Variants in CACNA2D3 observed in about 807,000 individuals in gnomAD.
CACNA2D3 encodes calcium voltage-gated channel auxiliary subunit alpha2delta 3, also known as voltage-dependent calcium channel subunit alpha-2/delta-3.
In CACNA2D3, 60 loss-of-function variants were observed where a neutral mutation model predicts 160.6. The observed-to-expected ratio is 0.37, with a 90% CI of 0.30 to 0.46. The LOEUF (loss-of-function observed/expected upper bound fraction) is 0.46, where lower values mean the gene tolerates loss of function less well. CACNA2D3 is among the 20% of genes least tolerant of loss of function. The pLI, the probability that CACNA2D3 is intolerant of heterozygous loss-of-function variation, is 1.00. For missense variants in CACNA2D3, 1,205 were observed against 1,365.0 expected, an observed-to-expected ratio of 0.88 and a Z score of 1.85; for synonymous variants, 558 against 492.9, an observed-to-expected ratio of 1.13 and a Z score of -1.75.
At position 54,389,498 on chromosome 3, in the gene CACNA2D3, AG is replaced by A. The variant is rs543434271; in HGVS notation, c.381+2727del. 3.3e-5 allele frequency among the ~76,000 whole-genome samples: 5 copies of A among 152,330 alleles called. No homozygotes were observed. In the East Asian group the frequency reaches 9.6e-4, roughly 29 times the overall value. On this transcript the variant is annotated intron_variant, in intron 4 of 37. Coordinates refer to ENST00000474759, the MANE Select transcript of CACNA2D3 (RefSeq NM_018398.3). ...CCCACAAGTTACTCATCAATTACAA[AG>A]GGAAAAATAGCAATTTTATTGTGGA...
chr3:54,478,618 C>G lies in CACNA2D3; in HGVS notation c.382-24874C>G, dbSNP rs529119374. Among the ~76,000 whole-genome samples, 133 of 38,846 alleles carry G rather than the reference C, an allele frequency of 3.4e-3. 1 individual carries two copies. Among genetic ancestry groups the G allele is most frequent in the Admixed American group, 8.0e-3 (23 of 2,872 alleles). 25.5% of individuals were successfully genotyped at this position (38,846 alleles called of 152,430 possible). ...CTGCACTCCAGCCTGGGCAACAGAG[C>G]GAGACTCTGTCTCAAAAAAATATAT... On this transcript the variant is annotated intron_variant, in intron 4 of 37. Transcript: ENST00000474759.
intron 26 of CACNA2D3, among the ~76,000 whole-genome samples, chr3:54,899,587 C>T (rs1409588760): frequency 6.6e-6 from 1 of 152,168 alleles, no homozygotes; most frequent in Non-Finnish European, 1.5e-5. Flanking sequence ...TCGCCAATTC[C>T]TTCAGCTGGG....
Position 54,896,883 on chromosome 3 carries a change from G to C in CACNA2D3, c.2368+13G>C. On this transcript the variant is annotated intron_variant, in intron 26 of 37. Coordinates refer to ENST00000474759, the MANE Select transcript of CACNA2D3 (RefSeq NM_018398.3). ...CCATTCAGCACTGGTGGGTGCCCTT[G>C]TTGGAGGCGGGCTCTGTCTGTCTGG... is the stretch of plus-strand genomic sequence containing the variant. 3 of 1,613,910 alleles carry C rather than the reference G, an allele frequency of 1.9e-6. No individual in the cohort carries two copies. The highest frequency in any genetic ancestry group is 2.5e-6 in the Non-Finnish European group (3 of 1,179,858).
chr3:54,732,285 C>G (rs1224449682), intron 11 of CACNA2D3, among the ~76,000 whole-genome samples: 2 of 152,216 alleles, frequency 1.3e-5, no homozygotes, highest in African/African-American at 2.4e-5. Flanking sequence ...CCAGGGAACC[C>G]AGGCTACAAC....
intron 9 of CACNA2D3, among the ~76,000 whole-genome samples, chr3:54,583,222 A>T (rs1014852930): frequency 7.2e-5 from 11 of 152,206 alleles, no homozygotes; most frequent in African/African-American, 2.7e-4. Context: ...CAGAACAAGC[A>T]CTTAAATGAT....
intron 27 of CACNA2D3, among the ~76,000 whole-genome samples, chr3:54,941,518 C>G (rs964977863): frequency 6.6e-6 from 1 of 152,062 alleles, no homozygotes; most frequent in African/African-American, 2.4e-5. Flanking sequence ...TTTATAATGC[C>G]GGGATTATGT....
intron 8 of CACNA2D3, among the ~76,000 whole-genome samples, chr3:54,577,042 AAAAC>A (rs1702596469): frequency 6.6e-6 from 1 of 152,120 alleles, no homozygotes; most frequent in African/African-American, 2.4e-5. Flanking sequence ...CCGCGTTTCA[AAAAC>A]AAACAAACAA....
intron 2 of CACNA2D3, among the ~76,000 whole-genome samples, chr3:54,154,531 C>CT (rs1559865011): frequency 3.5e-5 from 3 of 84,588 alleles, no homozygotes; most frequent in African/African-American, 1.2e-4. Context: ...TACTCTTTTT[C>CT]CCCCCCGAAT....
At chr3:54,646,789 G>A (rs893581411) in intron 11 of CACNA2D3, among the ~76,000 whole-genome samples, 1 of 152,098 alleles carries the variant, frequency 6.6e-6, no homozygotes, top group Non-Finnish European at 1.5e-5. Context: ...GGGATTGCTG[G>A]GTCAAATGGT....
chr3:54,233,433 G>A (rs1314839173), intron 2 of CACNA2D3, among the ~76,000 whole-genome samples: 1 of 152,208 alleles, frequency 6.6e-6, no homozygotes, highest in Non-Finnish European at 1.5e-5. Context: ...GAATGCCACA[G>A]GGACAATTCA....
At chr3:54,597,088 A>G (rs1360722157) in intron 9 of CACNA2D3, among the ~76,000 whole-genome samples, 1 of 152,188 alleles carries the variant, frequency 6.6e-6, no homozygotes, top group African/African-American at 2.4e-5. Context: ...ATCCCAGCCA[A>G]TCAGTCTCCT....
intron 9 of CACNA2D3, chr3:54,626,158 T>G (rs552705132): frequency 4.6e-6 from 3 of 652,918 alleles, no homozygotes; most frequent in African/African-American, 1.8e-5. Flanking sequence ...GCAAGGGGAG[T>G]CTCACGATAA....
At position 54,489,042 on chromosome 3, in the gene CACNA2D3, T is replaced by C. The variant is rs556486928; in HGVS notation, c.382-14450T>C. ...ACATGCATAGAGAATCATGGAGCAA[T>C]GGAGCTACCAGCAGAGACCAGGGAG... is the stretch of plus-strand genomic sequence containing the variant. On this transcript the variant is annotated intron_variant, in intron 4 of 37. Coordinates refer to ENST00000474759, the MANE Select transcript of CACNA2D3 (RefSeq NM_018398.3). Among the ~76,000 whole-genome samples, 21 of 152,150 alleles carry C rather than the reference T, an allele frequency of 1.4e-4. No individual in the cohort carries two copies. In the South Asian group the frequency reaches 4.4e-3, roughly 32 times the overall value.
At chr3:54,492,693 T>A (rs1453193666) in intron 4 of CACNA2D3, among the ~76,000 whole-genome samples, 1 of 152,210 alleles carries the variant, frequency 6.6e-6, no homozygotes, top group Non-Finnish European at 1.5e-5. Context: ...ACACTTTAAC[T>A]TAGAAAGGGT....
intron 3 of CACNA2D3, among the ~76,000 whole-genome samples, chr3:54,340,440 A>C (rs1704491489): frequency 6.6e-6 from 1 of 152,214 alleles, no homozygotes; most frequent in African/African-American, 2.4e-5. Context: ...CATGAAAAAG[A>C]AACATATTTT....
intron 2 of CACNA2D3, among the ~76,000 whole-genome samples, chr3:54,307,844 TG>T (rs1703647876): frequency 6.6e-6 from 1 of 152,344 alleles, no homozygotes; most frequent in African/African-American, 2.4e-5. Context: ...AATTAACTTT[TG>T]TGGCGCCTGG....
chr3:54,458,118 T>C (rs941568055), intron 4 of CACNA2D3, among the ~76,000 whole-genome samples: 1 of 152,046 alleles, frequency 6.6e-6, no homozygotes, highest in Non-Finnish European at 1.5e-5. Flanking sequence ...TCCTGTCATT[T>C]TGTTAATTGG....
intron 13 of CACNA2D3, among the ~76,000 whole-genome samples, chr3:54,795,084 T>C (rs1702840740): frequency 6.6e-6 from 1 of 152,076 alleles, no homozygotes; most frequent in African/African-American, 2.4e-5. Context: ...TTTTTCAACT[T>C]TTTTTTCTCT....
intron 4 of CACNA2D3, among the ~76,000 whole-genome samples, chr3:54,484,753 C>G (rs1029501463): frequency 6.6e-6 from 1 of 152,054 alleles, no homozygotes; most frequent in Non-Finnish European, 1.5e-5. Context: ...TTATTTCTTA[C>G]TTAAATTGGA....
Sources: allele counts gnomAD v4.1 joint callset (sites outside exome capture counted in the v4.1 genomes callset), GRCh38; gene constraint gnomAD v4.1.1; transcripts MANE v1.5; gene names NCBI Gene and HGNC (gene_info 2026-07-23, HGNC 2026-07-21).